The following PDE6D variants were observed in gnomAD, a reference collection of about 807,000 sequenced individuals.
The protein encoded by PDE6D is phosphodiesterase 6D.
In PDE6D, 10 loss-of-function variants were observed where a neutral mutation model predicts 21.9. The observed-to-expected ratio is 0.46, with a 90% CI of 0.28 to 0.78. The LOEUF (loss-of-function observed/expected upper bound fraction) is 0.78. Ranked by LOEUF, PDE6D falls within the 30% of genes least tolerant of loss-of-function variation. The probability of loss-of-function intolerance (pLI) is 0.12; values close to 1 mark genes in which losing one functional copy is unlikely to be tolerated. For synonymous variants in PDE6D, 59 were observed against 63.5 expected (o/e 0.93, Z 0.34); for missense variants, 139 against 184.8 (o/e 0.75, Z 1.44).
At chr2:231,772,059 A>G (rs930359836) in intron 1 of PDE6D, among the ~76,000 whole-genome samples, 1 of 152,142 alleles carries the variant, frequency 6.6e-6, no homozygotes, top group Admixed American at 6.6e-5. Context: ...TGTCACCTGT[A>G]ATTTCTACCC....
At chr2:231,749,569 CTG>C (rs1485699081) in intron 1 of PDE6D, among the ~76,000 whole-genome samples, 1 of 147,002 alleles carries the variant, frequency 6.8e-6, no homozygotes, top group Non-Finnish European at 1.5e-5. Flanking sequence ...GAGTCTCACT[CTG>C]TTCAGGCTGG....
chr2:231,748,240 A>C (rs1220030639), intron 1 of PDE6D, among the ~76,000 whole-genome samples: 1 of 152,218 alleles, frequency 6.6e-6, no homozygotes, highest in East Asian at 1.9e-4. Flanking sequence ...GGCTTTGCCC[A>C]AAATGCTGAT....
intron 1 of PDE6D, among the ~76,000 whole-genome samples, chr2:231,770,443 A>G (rs1194457208): frequency 6.8e-6 from 1 of 147,858 alleles, no homozygotes; most frequent in Non-Finnish European, 1.5e-5. Flanking sequence ...GAATTGAGGG[A>G]AAAAAAAGAA....
At chr2:231,747,776 C>A (rs2048806413) in intron 1 of PDE6D, among the ~76,000 whole-genome samples, 1 of 152,204 alleles carries the variant, frequency 6.6e-6, no homozygotes, top group South Asian at 2.1e-4. Context: ...TCACCTGCAC[C>A]AAGCAGCCTG....
chr2:231,775,096 T>C (rs973162209), intron 1 of PDE6D, among the ~76,000 whole-genome samples: 3 of 151,558 alleles, frequency 2.0e-5, no homozygotes, highest in Admixed American at 2.0e-4. Context: ...GTATTTTTAA[T>C]AGAGAGGGAG....
chr2:231,750,416 T>C (rs2048828881), intron 1 of PDE6D, among the ~76,000 whole-genome samples: 1 of 152,036 alleles, frequency 6.6e-6, no homozygotes, highest in South Asian at 2.1e-4. Flanking sequence ...AATTCATATA[T>C]TATTTGATAA....
At position 231,739,251 on chromosome 2, in the gene PDE6D, T is replaced by G. The variant is rs2048728546; in HGVS notation, c.51-63A>C. 3.0e-6 allele frequency: 3 copies of G among 1,006,482 alleles called. No homozygotes were observed. The highest frequency in any genetic ancestry group is 4.8e-6 in the Non-Finnish European group (3 of 626,462). 62.3% of individuals were successfully genotyped at this position (1,006,482 alleles called of 1,614,324 possible). On this transcript the variant is annotated intron_variant, in intron 1 of 4. Transcript: ENST00000287600. The surrounding 1 kb of genome is among the most constrained non-coding windows in gnomAD (Gnocchi z 4.2). ...AGTGACTCCCACTTTGTATTCTAGG[T>G]GTCTCATGTTTACTCCCACCAACTC...
chr2:231,747,767 C>G (rs1413476864), intron 1 of PDE6D, among the ~76,000 whole-genome samples: 1 of 152,220 alleles, frequency 6.6e-6, no homozygotes, highest in South Asian at 2.1e-4. Context: ...TACCTCTTCT[C>G]ACCTGCACCA....
chr2:231,754,280 C>A (rs994000345), intron 1 of PDE6D, among the ~76,000 whole-genome samples: 1 of 152,140 alleles, frequency 6.6e-6, no homozygotes, highest in Non-Finnish European at 1.5e-5. Flanking sequence ...AGCCATATCA[C>A]CCCAAGAGAA....
chr2:231,743,863 C>T (rs1464320796), intron 1 of PDE6D, among the ~76,000 whole-genome samples: 3 of 152,258 alleles, frequency 2.0e-5, no homozygotes, highest in Admixed American at 1.3e-4. Context: ...AGGAAAACAA[C>T]AGATACTACT....
intron 1 of PDE6D, among the ~76,000 whole-genome samples, chr2:231,767,464 C>T (rs992993011): frequency 2.0e-5 from 3 of 151,918 alleles, no homozygotes; most frequent in Non-Finnish European, 2.9e-5. Context: ...TACAGGCGCC[C>T]GCCACCACGC....
At chr2:231,746,472 T>C (rs1316250336) in intron 1 of PDE6D, among the ~76,000 whole-genome samples, 1 of 152,208 alleles carries the variant, frequency 6.6e-6, no homozygotes, top group Non-Finnish European at 1.5e-5. Context: ...TGCTCCAAGA[T>C]AATTCTTCTT....
intron 3 of PDE6D, chr2:231,737,705 A>G: frequency 2.9e-6 from 1 of 339,162 alleles, no homozygotes. Flanking sequence ...TACTGTATGT[A>G]GAGCACTGTA....
intron 1 of PDE6D, among the ~76,000 whole-genome samples, chr2:231,748,433 A>G (rs567064622): frequency 6.6e-6 from 1 of 152,328 alleles, no homozygotes; most frequent in African/African-American, 2.4e-5. Flanking sequence ...CAAGCAGCAA[A>G]GCATTTAAGA....
intron 1 of PDE6D, among the ~76,000 whole-genome samples, chr2:231,769,133 T>G (rs2048995679): frequency 6.6e-6 from 1 of 152,188 alleles, no homozygotes; most frequent in African/African-American, 2.4e-5. Flanking sequence ...CCTCCCAAAA[T>G]GTTGGGATTA....
At chr2:231,748,488 C>T (rs1343135540) in intron 1 of PDE6D, among the ~76,000 whole-genome samples, 2 of 152,100 alleles carry the variant, frequency 1.3e-5, no homozygotes, top group African/African-American at 4.8e-5. Flanking sequence ...ATAAGGAAAG[C>T]AGAGCATAAA....
intron 1 of PDE6D, among the ~76,000 whole-genome samples, chr2:231,759,081 G>A (rs1464257036): frequency 6.6e-6 from 1 of 152,096 alleles, no homozygotes; most frequent in Non-Finnish European, 1.5e-5. Flanking sequence ...ACTTTGGGAG[G>A]CTGAGGCAGG....
In PDE6D at chr2:231,781,254, T is replaced by G; in HGVS notation, c.-140A>C. ...CGCAGCGGCCAGACCAGGACCGGCCTCTCTCTCCCCTCAGCTCCCGCTTCT... is the reference window on the plus strand; with the variant it reads ...CGCAGCGGCCAGACCAGGACCGGCCGCTCTCTCCCCTCAGCTCCCGCTTCT... On this transcript the variant is annotated 5_prime_UTR_variant, in exon 1 of 5. Coordinates refer to ENST00000287600, the MANE Select transcript of PDE6D (RefSeq NM_002601.4). The G allele has an allele frequency of 1.4e-6, 1 of 721,578 alleles. No individual in the cohort carries two copies. Among genetic ancestry groups the G allele is most frequent in the Non-Finnish European group, 2.4e-6 (1 of 419,460 alleles). 44.7% of individuals were successfully genotyped at this position (721,578 alleles called of 1,614,324 possible).
chr2:231,753,192 C>G (rs187582052), intron 1 of PDE6D, among the ~76,000 whole-genome samples: 3 of 151,288 alleles, frequency 2.0e-5, no homozygotes, highest in Non-Finnish European at 4.4e-5. Context: ...AGTCTCTGGT[C>G]CATTGTTTCT....
Sources: gnomAD v4.1 joint callset for allele counts (sites outside exome capture counted in the v4.1 genomes callset) on GRCh38, gnomAD v4.1.1 for gene constraint, Gnocchi (gnomAD v3.1) non-coding constraint, MANE v1.5 for transcripts, NCBI Gene and HGNC (gene_info 2026-07-23, HGNC 2026-07-21) for gene names.